TSHR: variants seen among roughly 807,000 people sequenced by gnomAD.
The protein encoded by TSHR is thyrotropin receptor.
In TSHR, 51 loss-of-function variants were observed where a neutral mutation model predicts 64.1. The observed-to-expected ratio is 0.80, with a 90% CI of 0.64 to 1.01. The LOEUF is 1.01. Ranked by LOEUF, TSHR falls within the 50% of genes least tolerant of loss-of-function variation. The probability of loss-of-function intolerance (pLI) is 0.00; values close to 1 mark genes in which losing one functional copy is unlikely to be tolerated. For missense variants in TSHR, 877 were observed against 942.8 expected (o/e 0.93, Z 0.91); for synonymous variants, 361 against 361.9 (o/e 1.00, Z 0.03).
chr14:81,132,442 T>C (rs551155397), intron 8 of TSHR, among the ~76,000 whole-genome samples: 1 of 152,372 alleles, frequency 6.6e-6, no homozygotes, highest in South Asian at 2.1e-4. Context: ...TTCAATTTGC[T>C]CTTCCTATGA....
At chr14:81,068,399 G>C (rs2139911055) in intron 3 of TSHR, 71 bp downstream of exon 3, 1 of 1,416,088 alleles carries the variant, frequency 7.1e-7, no homozygotes, top group Non-Finnish European at 9.9e-7. Flanking sequence ...TGGGGCTCCA[G>C]ATGGCAATGG....
intron 1 of TSHR, among the ~76,000 whole-genome samples, chr14:80,980,913 C>T (rs529650388): frequency 2.2e-4 from 34 of 152,190 alleles, no homozygotes; most frequent in South Asian, 4.2e-4. Context: ...TGTTATATTT[C>T]GGTTGTCTGT....
At chr14:81,024,915 A>T (rs553326910) in intron 1 of TSHR, among the ~76,000 whole-genome samples, 1 of 152,334 alleles carries the variant, frequency 6.6e-6, no homozygotes, top group African/African-American at 2.4e-5. Flanking sequence ...ATATGTGAGA[A>T]CAGTGAGAGG....
intron 1 of TSHR, chr14:80,993,866 T>C (rs1362534276): frequency 6.6e-6 from 1 of 151,874 alleles, no homozygotes; most frequent in Non-Finnish European, 1.5e-5. Context: ...GGTTAAGCGA[T>C]GTTCTACCAT....
At chr14:81,042,570 G>T (rs181614563) in intron 1 of TSHR, among the ~76,000 whole-genome samples, 1 of 152,100 alleles carries the variant, frequency 6.6e-6, no homozygotes, top group East Asian at 1.9e-4. Flanking sequence ...TTACTCATAT[G>T]TGAAATCTAA....
At chr14:80,973,572 A>G (rs1023577178) in intron 1 of TSHR, among the ~76,000 whole-genome samples, 1 of 152,116 alleles carries the variant, frequency 6.6e-6, no homozygotes, top group Non-Finnish European at 1.5e-5. Flanking sequence ...TCTGGATCTC[A>G]TGGCAATCTT....
chr14:81,013,651 T>C (rs560291342), intron 1 of TSHR: 291 of 152,322 alleles, frequency 1.9e-3, no homozygotes, highest in Admixed American at 3.1e-3. Context: ...TCTCATGACA[T>C]TGGGCACTGA....
At chr14:81,061,591 G>C (rs1394121562) in intron 1 of TSHR, among the ~76,000 whole-genome samples, 1 of 151,968 alleles carries the variant, frequency 6.6e-6, no homozygotes, top group East Asian at 1.9e-4. Flanking sequence ...AGAGCTAAAT[G>C]ATGAGAACTC....
chr14:80,972,859 T>A (rs1018604415), intron 1 of TSHR, among the ~76,000 whole-genome samples: 4 of 152,196 alleles, frequency 2.6e-5, no homozygotes, highest in African/African-American at 9.7e-5. Context: ...AATGGAATGC[T>A]ACCTTATGTG....
intron 8 of TSHR, chr14:81,108,676 TC>T: frequency 6.2e-7 from 1 of 1,614,030 alleles, no homozygotes; most frequent in Non-Finnish European, 8.5e-7. Context: ...CAGTATGCCA[TC>T]ATGATGCCTG....
chr14:81,091,126 T>G lies in TSHR; in HGVS notation c.450T>G (p.Thr150=), dbSNP rs1348640691. The change falls in exon 5 of 10, where the codon ACT becomes ACG. Residue 150 remains threonine, a synonymous_variant. Transcript: ENST00000298171. The stretch of plus-strand genomic sequence containing the variant: ...CTGACCTGACCAAAGTTTATTCCAC[T>G]GATATATTCTTTATACTGTAAGTAT... The part of the protein sequence containing the change: ...MFPDLTKVYS[T]DIFFILEITD... The G allele has an allele frequency of 6.2e-7, 1 of 1,612,234 alleles. No individual in the cohort carries two copies. Among genetic ancestry groups the G allele is most frequent in the South Asian group, 1.1e-5 (1 of 91,072 alleles).
At chr14:81,132,827 A>G (rs1163994431) in intron 8 of TSHR, among the ~76,000 whole-genome samples, 1 of 150,818 alleles carries the variant, frequency 6.6e-6, no homozygotes, top group Non-Finnish European at 1.5e-5. Flanking sequence ...CATCACCCAT[A>G]ACAACTCTTT....
intron 1 of TSHR, among the ~76,000 whole-genome samples, chr14:80,974,654 G>A (rs1289215935): frequency 6.6e-6 from 1 of 152,174 alleles, no homozygotes; most frequent in Non-Finnish European, 1.5e-5. Flanking sequence ...TCTGTGTGAT[G>A]ATAGAAGGTC....
At chr14:80,957,629 A>G (rs1886771104) in intron 1 of TSHR, among the ~76,000 whole-genome samples, 1 of 152,216 alleles carries the variant, frequency 6.6e-6, no homozygotes, top group Admixed American at 6.5e-5. Flanking sequence ...TGGCTCTGAC[A>G]GTGAAAAGGA....
chr14:81,120,151 C>A (rs1347183640), intron 8 of TSHR, among the ~76,000 whole-genome samples: 2 of 149,650 alleles, frequency 1.3e-5, no homozygotes, highest in Non-Finnish European at 3.0e-5. Context: ...GCACAATGTG[C>A]ACATGTACCC....
At chr14:81,053,217 C>T (rs1454794081) in intron 1 of TSHR, 4 of 152,074 alleles carry the variant, frequency 2.6e-5, no homozygotes, top group Non-Finnish European at 5.9e-5. Context: ...AGCTTAAAGA[C>T]AAGCAGAGAT....
chr14:81,035,358 T>C (rs2139830799), intron 1 of TSHR, among the ~76,000 whole-genome samples: 1 of 152,322 alleles, frequency 6.6e-6, no homozygotes, highest in African/African-American at 2.4e-5. Flanking sequence ...TCTACTGACC[T>C]CAGGACCTCA....
At chr14:81,069,157 T>A (rs1346760875) in intron 3 of TSHR, among the ~76,000 whole-genome samples, 1 of 151,558 alleles carries the variant, frequency 6.6e-6, no homozygotes, top group Non-Finnish European at 1.5e-5. Flanking sequence ...GGTTATTATT[T>A]ACCTCTTAAA....
chr14:80,997,736 T>C (rs1033077789), intron 1 of TSHR, among the ~76,000 whole-genome samples: 19 of 152,202 alleles, frequency 1.2e-4, no homozygotes, highest in Non-Finnish European at 2.4e-4. Flanking sequence ...CAAATATAGT[T>C]CTATTGTAAG....
Sources: allele counts gnomAD v4.1 joint callset (sites outside exome capture counted in the v4.1 genomes callset), GRCh38; gene constraint gnomAD v4.1.1; transcripts MANE v1.5; gene names NCBI Gene and HGNC (gene_info 2026-07-23, HGNC 2026-07-21).